The following GRIP1 variants were observed in gnomAD, a reference collection of about 807,000 sequenced individuals.
GRIP1 encodes the protein glutamate receptor-interacting protein 1.
GRIP1 carries 45 observed loss-of-function variants against 129.9 expected under a neutral mutation model. The ratio of observed to expected loss-of-function variants is 0.35; its 90% CI spans 0.27 to 0.44. GRIP1 has a LOEUF of 0.44. Ranked by LOEUF, GRIP1 falls within the 20% of genes least tolerant of loss-of-function variation. The pLI, the probability that GRIP1 is intolerant of heterozygous loss-of-function variation, is 1.00. For missense variants in GRIP1, 1,196 were observed against 1,396.8 expected, an observed-to-expected ratio of 0.86 and a Z score of 2.29; for synonymous variants, 530 against 520.8, an observed-to-expected ratio of 1.02 and a Z score of -0.24.
chr12:66,749,104 T>C (rs2037044498), intron 1 of GRIP1, among the ~76,000 whole-genome samples: 1 of 152,192 alleles, frequency 6.6e-6, no homozygotes. Flanking sequence ...TCTACTCTTC[T>C]TTTATAGAAC....
intron 2 of GRIP1, among the ~76,000 whole-genome samples, chr12:66,564,371 G>A (rs1187093804): frequency 1.3e-5 from 2 of 149,128 alleles, no homozygotes; most frequent in Admixed American, 6.9e-5. Context: ...GTGAGAAGAT[G>A]TAGTGTTTGG....
intron 7 of GRIP1, among the ~76,000 whole-genome samples, chr12:66,488,447 C>G (rs919480246): frequency 1.3e-5 from 2 of 152,022 alleles, no homozygotes; most frequent in African/African-American, 2.4e-5. Context: ...AGACAATATA[C>G]CAGAATTTTT....
At chr12:66,708,904 T>C (rs1379963481) in intron 1 of GRIP1, among the ~76,000 whole-genome samples, 2 of 151,852 alleles carry the variant, frequency 1.3e-5, no homozygotes, top group Admixed American at 1.3e-4. Context: ...AAAAAAAATT[T>C]TTGTCAAGAA....
At chr12:67,016,900 G>T (rs1203354900) in intron 1 of GRIP1, among the ~76,000 whole-genome samples, 1 of 152,096 alleles carries the variant, frequency 6.6e-6, no homozygotes, top group Non-Finnish European at 1.5e-5. Context: ...TCAATCAAAG[G>T]TTAGTAAAAG....
intron 1 of GRIP1, among the ~76,000 whole-genome samples, chr12:66,853,888 C>T (rs1043612589): frequency 2.9e-4 from 44 of 151,926 alleles, no homozygotes; most frequent in Non-Finnish European, 2.6e-4. Flanking sequence ...CAAACCTATA[C>T]ACAATTATCT....
intron 4 of GRIP1, among the ~76,000 whole-genome samples, chr12:66,537,519 C>CTCATATAT (rs146090222): frequency 4.7e-5 from 7 of 149,310 alleles, no homozygotes; most frequent in African/African-American, 1.7e-4. Context: ...ATGGATATAT[C>CTCATATAT]ATATATATAT....
chr12:66,746,849 A>T (rs957777627), intron 1 of GRIP1, among the ~76,000 whole-genome samples: 3 of 152,224 alleles, frequency 2.0e-5, no homozygotes, highest in Admixed American at 2.0e-4. Context: ...AGTTTACAGG[A>T]AAGAGTTATT....
At chr12:66,432,076 A>T (rs983492387) in intron 14 of GRIP1, among the ~76,000 whole-genome samples, 1 of 152,144 alleles carries the variant, frequency 6.6e-6, no homozygotes. Flanking sequence ...ATAAAAACTT[A>T]ATTCACAATA....
At chr12:66,565,573 G>T (rs954791685) in intron 2 of GRIP1, among the ~76,000 whole-genome samples, 3 of 152,126 alleles carry the variant, frequency 2.0e-5, no homozygotes, top group Non-Finnish European at 4.4e-5. Context: ...CTCCAGCTTT[G>T]TTCTTTTGGC....
intron 11 of GRIP1, among the ~76,000 whole-genome samples, chr12:66,454,897 A>C (rs2058911844): frequency 6.6e-6 from 1 of 152,204 alleles, no homozygotes; most frequent in African/African-American, 2.4e-5. Context: ...GGGAATGTTC[A>C]TATTTATCAT....
chr12:66,946,767 GGGGGGTGGGGTGGGGGAT>G (rs1389865371), intron 1 of GRIP1, among the ~76,000 whole-genome samples: 1 of 104,400 alleles, frequency 9.6e-6, no homozygotes, highest in Non-Finnish European at 1.8e-5. Flanking sequence ...AGCGGGGGTC[GGGGGGTGGGGTGGGGGAT>G]GGGGGGGGTG....
intron 1 of GRIP1, among the ~76,000 whole-genome samples, chr12:66,787,155 T>C (rs1442993797): frequency 6.6e-6 from 1 of 152,190 alleles, no homozygotes. Flanking sequence ...ATCTGTGTTT[T>C]CTGTAAGTCA....
intron 1 of GRIP1, among the ~76,000 whole-genome samples, chr12:66,696,812 A>G (rs901581794): frequency 5.3e-5 from 3 of 56,992 alleles, no homozygotes; most frequent in Non-Finnish European, 8.1e-5. Flanking sequence ...CTCAAAAAAA[A>G]AAAAAAAAAA....
At chr12:66,793,959 A>G (rs185910925) in intron 1 of GRIP1, among the ~76,000 whole-genome samples, 1 of 152,344 alleles carries the variant, frequency 6.6e-6, no homozygotes, top group East Asian at 1.9e-4. Context: ...CATAGGGCCT[A>G]GCATGCACTG....
intron 7 of GRIP1, among the ~76,000 whole-genome samples, chr12:66,477,301 C>G (rs11534947): frequency 0.26 from 39,800 of 151,246 alleles, 5,427 homozygotes; most frequent in Middle Eastern, 0.42. Context: ...GAATAAAATA[C>G]CTAGGAATCC....
At chr12:66,774,833 C>G (rs985360318) in intron 1 of GRIP1, among the ~76,000 whole-genome samples, 1 of 152,118 alleles carries the variant, frequency 6.6e-6, no homozygotes, top group Non-Finnish European at 1.5e-5. Context: ...TGACCATAAA[C>G]AAGTTTTCAT....
At chr12:66,582,660 C>T (rs2063442033) in intron 2 of GRIP1, among the ~76,000 whole-genome samples, 1 of 139,328 alleles carries the variant, frequency 7.2e-6, no homozygotes, top group Admixed American at 7.3e-5. Flanking sequence ...TTCACAATTG[C>T]TTCAAAGAGA....
At chr12:66,880,665 A>G (rs1199060483) in intron 1 of GRIP1, among the ~76,000 whole-genome samples, 1 of 152,136 alleles carries the variant, frequency 6.6e-6, no homozygotes, top group African/African-American at 2.4e-5. Flanking sequence ...ATTGGAATAG[A>G]GCAAAGGCAC....
intron 7 of GRIP1, among the ~76,000 whole-genome samples, chr12:66,497,709 G>A (rs1045928142): frequency 6.6e-6 from 1 of 152,140 alleles, no homozygotes; most frequent in Non-Finnish European, 1.5e-5. Context: ...TGAGAGGCAC[G>A]GACAAGTGTG....
Sources: gnomAD v4.1 joint callset for allele counts (sites outside exome capture counted in the v4.1 genomes callset) on GRCh38, gnomAD v4.1.1 for gene constraint, MANE v1.5 for transcripts, NCBI Gene and HGNC (gene_info 2026-07-23, HGNC 2026-07-21) for gene names.